Variants in TRMT9B observed in about 807,000 individuals in gnomAD.
TRMT9B encodes probable tRNA methyltransferase 9B.
In TRMT9B, 16 loss-of-function variants were observed where a neutral mutation model predicts 11.5. That is an observed-to-expected ratio of 1.39 (90% confidence interval 0.94 to 2.11). The LOEUF is 2.11. Among genes scored for constraint, TRMT9B ranks in the 30% most tolerant of loss-of-function variants. The pLI, the probability that TRMT9B is intolerant of heterozygous loss-of-function variation, is 0.00. For missense variants in TRMT9B, 941 were observed against 553.8 expected, an observed-to-expected ratio of 1.70 and a Z score of -7.02; for synonymous variants, 274 against 192.4, an observed-to-expected ratio of 1.42 and a Z score of -3.51.
intron 4 of TRMT9B, among the ~76,000 whole-genome samples, chr8:13,016,388 A>G (rs1277262115): frequency 6.8e-6 from 1 of 147,186 alleles, no homozygotes; most frequent in African/African-American, 2.5e-5. Context: ...ATATATAAAT[A>G]TATAAATATA....
At position 13,006,359 on chromosome 8, in the gene TRMT9B, A is replaced by G. The variant is rs1563411127; in HGVS notation, c.154+3A>G. On this transcript the variant is annotated splice_donor_region_variant and intron_variant, in intron 3 of 4. Transcript: ENST00000524591. ...AGGCAGCCTCATCGCTGACATAGGT[A>G]ACCAGGCAGCCTCATCGCTGACATA... The G allele has an allele frequency of 9.4e-6, 15 of 1,598,278 alleles. No homozygotes were observed. Among genetic ancestry groups the G allele is most frequent in the Non-Finnish European group, 1.3e-5 (15 of 1,173,456 alleles).
chr8:12,962,170 A>C (rs925645127), intron 1 of TRMT9B: 1 of 152,458 alleles, frequency 6.6e-6, no homozygotes, highest in Non-Finnish European at 1.5e-5. Flanking sequence ...GAGTTGGCAG[A>C]AATGCAGACC....
At chr8:12,952,572 G>T (rs1800772678) in intron 1 of TRMT9B, 1 of 373,856 alleles carries the variant, frequency 2.7e-6, no homozygotes, top group Admixed American at 6.4e-5. Context: ...TTTTCATGGA[G>T]TGCACGTGTA....
intron 1 of TRMT9B, among the ~76,000 whole-genome samples, chr8:12,963,542 G>C (rs1245424270): frequency 6.6e-6 from 1 of 152,136 alleles, no homozygotes; most frequent in Non-Finnish European, 1.5e-5. Flanking sequence ...TTGAGCCCAG[G>C]AATTCAAGGC....
intron 1 of TRMT9B, among the ~76,000 whole-genome samples, chr8:12,956,674 T>C (rs1801357636): frequency 6.6e-6 from 1 of 152,262 alleles, no homozygotes. Context: ...GTTCTTTCAT[T>C]AGATGAATTA....
At position 13,025,998 on chromosome 8, in the gene TRMT9B, G is replaced by C. The variant is rs1421992253; in HGVS notation, c.*3954G>C. The C allele has an allele frequency of 9.6e-5, 16 of 167,014 alleles. No homozygotes were observed. The Admixed American group carries it at 1.0e-3, about 11-fold the overall frequency. The allele number at this position is 167,014 out of a possible 1,614,324, so 10.3% of individuals were successfully genotyped here. The stretch of plus-strand genomic sequence containing the variant: ...AATGGCCAAAAAAAAAGCACTGGTG[G>C]ATTTTAAATTAAATTAATACATATA... On this transcript the variant is annotated 3_prime_UTR_variant, in exon 5 of 5. Coordinates refer to ENST00000524591, the MANE Select transcript of TRMT9B (RefSeq NM_020844.3).
intron 1 of TRMT9B, among the ~76,000 whole-genome samples, chr8:12,949,354 T>C (rs1800426653): frequency 1.3e-5 from 2 of 152,208 alleles, no homozygotes; most frequent in African/African-American, 4.8e-5. Flanking sequence ...TGTCAATATT[T>C]TGACAGTCAT....
intron 1 of TRMT9B, among the ~76,000 whole-genome samples, chr8:12,965,569 T>G (rs763022229): frequency 1.3e-5 from 2 of 152,110 alleles, no homozygotes; most frequent in Non-Finnish European, 2.9e-5. Context: ...CCGAAAGTCT[T>G]TTTCTTCATA....
chr8:13,015,683 A>G (rs1055631387), intron 4 of TRMT9B, among the ~76,000 whole-genome samples: 1 of 152,084 alleles, frequency 6.6e-6, no homozygotes, highest in Admixed American at 6.5e-5. Context: ...AAGGCCACCT[A>G]TATCCAGACC....
rs1042149876 is a variant in TRMT9B at position 13,028,426 on chromosome 8, G to T, written c.*6382G>T. The T allele has an allele frequency of 5.4e-5, 9 of 166,944 alleles. No homozygotes were observed. Among genetic ancestry groups the T allele is most frequent in the African/African-American group, 2.2e-4 (9 of 41,418 alleles). 10.3% of individuals were successfully genotyped at this position (166,944 alleles called of 1,614,324 possible). On this transcript the variant is annotated 3_prime_UTR_variant, in exon 5 of 5. Coordinates refer to ENST00000524591, the MANE Select transcript of TRMT9B (RefSeq NM_020844.3). ...CCACATGGAATATTGATTTTTCTAT[G>T]AATATTACCTCCACATTGAAAAACG...
At chr8:12,959,730 C>T (rs1216822115) in intron 1 of TRMT9B, among the ~76,000 whole-genome samples, 2 of 151,920 alleles carry the variant, frequency 1.3e-5, no homozygotes, top group Non-Finnish European at 2.9e-5. Flanking sequence ...AAAAAGGCTA[C>T]TTTGCCCAGG....
chr8:12,986,852 T>G (rs1585215267), intron 1 of TRMT9B, among the ~76,000 whole-genome samples: 1 of 152,254 alleles, frequency 6.6e-6, no homozygotes, highest in Non-Finnish European at 1.5e-5. Context: ...ATTATTAATA[T>G]CATTCTTTGC....
intron 1 of TRMT9B, among the ~76,000 whole-genome samples, chr8:12,978,055 G>A (rs1265417714): frequency 6.6e-6 from 1 of 152,092 alleles, no homozygotes; most frequent in African/African-American, 2.4e-5. Flanking sequence ...ATAGTGTGGA[G>A]TCTTAATTAG....
At chr8:12,953,039 A>G (rs543689009) in intron 1 of TRMT9B, among the ~76,000 whole-genome samples, 109 of 152,210 alleles carry the variant, frequency 7.2e-4, no homozygotes, top group Admixed American at 2.2e-3. Flanking sequence ...GGCCCGGCTG[A>G]TTCTTTTTAT....
At chr8:12,998,008 G>A (rs1808687463) in intron 2 of TRMT9B, among the ~76,000 whole-genome samples, 1 of 152,132 alleles carries the variant, frequency 6.6e-6, no homozygotes, top group African/African-American at 2.4e-5. Context: ...GTGAAGTTAA[G>A]CCCCTTTGTG....
intron 1 of TRMT9B, among the ~76,000 whole-genome samples, chr8:12,973,736 G>A (rs1011344397): frequency 1.1e-4 from 17 of 152,142 alleles, no homozygotes; most frequent in African/African-American, 4.1e-4. Flanking sequence ...AAGGACTTCA[G>A]CCATAAGCGT....
intron 4 of TRMT9B, among the ~76,000 whole-genome samples, chr8:13,017,081 C>A (rs374191161): frequency 1.4e-5 from 2 of 144,626 alleles, no homozygotes; most frequent in Non-Finnish European, 3.1e-5. Context: ...CCAGGTCACA[C>A]CACTGCACTC....
At chr8:13,015,960 G>A (rs996506440) in intron 4 of TRMT9B, among the ~76,000 whole-genome samples, 1 of 151,632 alleles carries the variant, frequency 6.6e-6, no homozygotes, top group Admixed American at 6.6e-5. Flanking sequence ...ACTATATTAT[G>A]GTAGCCAGGC....
chr8:12,967,467 C>T (rs763936039), intron 1 of TRMT9B, among the ~76,000 whole-genome samples: 1 of 152,156 alleles, frequency 6.6e-6, no homozygotes, highest in Admixed American at 6.6e-5. Flanking sequence ...GATTTGTTTA[C>T]CCCAGAGATT....
Sources: gnomAD v4.1 joint callset for allele counts (sites outside exome capture counted in the v4.1 genomes callset) on GRCh38, gnomAD v4.1.1 for gene constraint, MANE v1.5 for transcripts, NCBI Gene and HGNC (gene_info 2026-07-23, HGNC 2026-07-21) for gene names.